Variants in CFAP299 observed in about 807,000 individuals in gnomAD.
CFAP299 encodes the protein cilia- and flagella-associated protein 299.
CFAP299 carries 21 observed loss-of-function variants against 27.0 expected under a neutral mutation model. The observed-to-expected ratio is 0.78, with a 90% CI of 0.55 to 1.12. CFAP299 has a LOEUF of 1.12. Among genes scored for constraint, CFAP299 ranks in the 50% most tolerant of loss-of-function variants. The pLI is 0.00. For synonymous variants in CFAP299, 104 were observed against 98.1 expected (o/e 1.06, Z -0.36); for missense variants, 310 against 276.6 (o/e 1.12, Z -0.86).
intron 1 of CFAP299, among the ~76,000 whole-genome samples, chr4:80,346,939 T>C (rs1191534121): frequency 1.3e-5 from 2 of 152,180 alleles, no homozygotes; most frequent in Non-Finnish European, 2.9e-5. Context: ...TGTGTCCTCT[T>C]TTATTTTGTT....
At chr4:80,760,265 C>T (rs1196863227) in intron 3 of CFAP299, among the ~76,000 whole-genome samples, 2 of 151,974 alleles carry the variant, frequency 1.3e-5, no homozygotes, top group African/African-American at 4.8e-5. Context: ...ATCAGAAAAG[C>T]AGAACTACTG....
chr4:80,860,849 G>A (rs921537217), intron 3 of CFAP299, among the ~76,000 whole-genome samples: 13 of 152,318 alleles, frequency 8.5e-5, no homozygotes, highest in Admixed American at 2.0e-4. Flanking sequence ...AGGCTGCTCA[G>A]GGGTCAGGGG....
chr4:80,364,834 G>T (rs906363384), intron 2 of CFAP299, among the ~76,000 whole-genome samples: 1 of 152,088 alleles, frequency 6.6e-6, no homozygotes, highest in Non-Finnish European at 1.5e-5. Context: ...TTCAGCTCCC[G>T]CTTGGAGGTG....
intron 4 of CFAP299, among the ~76,000 whole-genome samples, chr4:80,890,328 C>A (rs996569987): frequency 6.6e-6 from 1 of 151,884 alleles, no homozygotes; most frequent in African/African-American, 2.4e-5. Flanking sequence ...TTTTTATATA[C>A]CAACAGTGAA....
intron 3 of CFAP299, among the ~76,000 whole-genome samples, chr4:80,825,717 C>G (rs536969268): frequency 1.3e-5 from 2 of 152,006 alleles, no homozygotes; most frequent in South Asian, 4.1e-4. Context: ...CTTATTACTA[C>G]TAGACCTGTT....
At chr4:80,666,298 C>T (rs1741139932) in intron 3 of CFAP299, among the ~76,000 whole-genome samples, 1 of 152,144 alleles carries the variant, frequency 6.6e-6, no homozygotes, top group African/African-American at 2.4e-5. Flanking sequence ...TCCTTTCTCA[C>T]TAAGCCTGCT....
At chr4:80,768,162 A>G (rs1206446500) in intron 3 of CFAP299, among the ~76,000 whole-genome samples, 2 of 152,238 alleles carry the variant, frequency 1.3e-5, no homozygotes, top group African/African-American at 4.8e-5. Context: ...ATGAATCATC[A>G]GTAACCAAAC....
intron 3 of CFAP299, among the ~76,000 whole-genome samples, chr4:80,813,314 G>A (rs1176098157): frequency 6.6e-6 from 1 of 151,866 alleles, no homozygotes; most frequent in Admixed American, 6.6e-5. Context: ...CAATATTCTA[G>A]CACTCAACAA....
chr4:80,635,361 C>G (rs903949674), intron 3 of CFAP299, among the ~76,000 whole-genome samples: 2 of 152,208 alleles, frequency 1.3e-5, no homozygotes, highest in African/African-American at 4.8e-5. Context: ...CAAAACCTTC[C>G]TATCACAAAT....
chr4:80,410,149 C>T (rs1726649873), intron 2 of CFAP299, among the ~76,000 whole-genome samples: 1 of 152,076 alleles, frequency 6.6e-6, no homozygotes, highest in Non-Finnish European at 1.5e-5. Context: ...TCTTTACTTC[C>T]ACAGGAGACC....
intron 2 of CFAP299, among the ~76,000 whole-genome samples, chr4:80,554,490 A>G (rs1358399052): frequency 1.5e-5 from 2 of 133,930 alleles, no homozygotes; most frequent in African/African-American, 5.7e-5. Context: ...TTGAGTCTAT[A>G]TACGTTTTCC....
At chr4:80,543,994 A>G (rs1330964210) in intron 2 of CFAP299, among the ~76,000 whole-genome samples, 1 of 152,210 alleles carries the variant, frequency 6.6e-6, no homozygotes, top group Non-Finnish European at 1.5e-5. Flanking sequence ...CAGGCTAACT[A>G]ACAGAAGATG....
rs146339630 is a variant in CFAP299 at position 80,869,311 on chromosome 4, T to G, written c.334-682T>G. The stretch of plus-strand genomic sequence containing the variant: ...TTTCTCCTGCCATATCTGTAGGATA[T>G]ATAACTAATCCATCACAACACTTTC... On this transcript the variant is annotated intron_variant, in intron 3 of 5. Coordinates refer to ENST00000358105, the MANE Select transcript of CFAP299 (RefSeq NM_152770.3). Among the ~76,000 whole-genome samples the G allele has an allele frequency of 9.5e-3, 1,441 of 152,234 alleles. 21 individuals carry two copies. Among genetic ancestry groups the G allele is most frequent in the South Asian group, 0.068 (327 of 4,820 alleles).
At position 80,646,350 on chromosome 4, in the gene CFAP299, A is replaced by G. The variant is rs1740010974; in HGVS notation, c.333+63167A>G. Among the ~76,000 whole-genome samples, 4 of 152,146 alleles carry G rather than the reference A, an allele frequency of 2.6e-5. 1 individual carries two copies. In the South Asian group the frequency reaches 8.3e-4, roughly 31 times the overall value. On this transcript the variant is annotated intron_variant, in intron 3 of 5. Coordinates refer to ENST00000358105, the MANE Select transcript of CFAP299 (RefSeq NM_152770.3). ...TTTGCTGTGGCTTTACTCTCACTGA[A>G]CAGTATCCACCAGTGCTGGCCTCCT...
At chr4:80,738,434 A>G (rs894267037) in intron 3 of CFAP299, among the ~76,000 whole-genome samples, 3 of 152,078 alleles carry the variant, frequency 2.0e-5, no homozygotes, top group Non-Finnish European at 4.4e-5. Context: ...TTATGAATTT[A>G]AGATCACTAT....
intron 3 of CFAP299, among the ~76,000 whole-genome samples, chr4:80,599,343 G>A (rs1173635269): frequency 6.6e-6 from 1 of 152,086 alleles, no homozygotes; most frequent in South Asian, 2.1e-4. Context: ...ATCTCCATAC[G>A]TTGTTGCAAG....
rs1018961831 is a variant in CFAP299, at chr4:80,382,577, AT to A, written c.242+19694del. Among the ~76,000 whole-genome samples the A allele has an allele frequency of 5.6e-4, 86 of 152,372 alleles. 1 individual carries two copies. The highest frequency in any genetic ancestry group is 2.0e-3 in the African/African-American group (84 of 41,588). On this transcript the variant is annotated intron_variant, in intron 2 of 5. Coordinates refer to ENST00000358105, the MANE Select transcript of CFAP299 (RefSeq NM_152770.3). ...AGACATACATGTGGCCAACAAGGAT[AT>A]GAAAAAAGGCTCATATCACTAATCC...
intron 3 of CFAP299, among the ~76,000 whole-genome samples, chr4:80,694,019 G>T (rs1035159165): frequency 2.0e-5 from 3 of 152,070 alleles, no homozygotes; most frequent in African/African-American, 7.2e-5. Flanking sequence ...CAAAGATTGT[G>T]AAAAATCTTC....
chr4:80,742,792 G>T (rs953834485), intron 3 of CFAP299, among the ~76,000 whole-genome samples: 2 of 152,118 alleles, frequency 1.3e-5, no homozygotes, highest in African/African-American at 4.8e-5. Flanking sequence ...AGCCAGAAAA[G>T]CTCAAAAGTG....
Sources: gnomAD v4.1 joint callset for allele counts (sites outside exome capture counted in the v4.1 genomes callset) on GRCh38, gnomAD v4.1.1 for gene constraint, MANE v1.5 for transcripts, NCBI Gene and HGNC (gene_info 2026-07-23, HGNC 2026-07-21) for gene names.